PECAM1: variants seen among roughly 807,000 people sequenced by gnomAD.
PECAM1 encodes the protein platelet and endothelial cell adhesion molecule 1, also known as platelet endothelial cell adhesion molecule.
A neutral mutation model predicts 13.8 loss-of-function variants in PECAM1; 8 were observed. The observed-to-expected ratio is 0.58, with a 90% CI of 0.34 to 1.05. The LOEUF is 1.05. Among genes scored for constraint, PECAM1 ranks in the 50% least tolerant of loss-of-function variants. PECAM1 has a pLI of 0.03. For synonymous variants in PECAM1, 136 were observed against 52.6 expected (o/e 2.58, Z -6.86); for missense variants, 304 against 141.2 (o/e 2.15, Z -5.84).
intron 14 of PECAM1, among the ~76,000 whole-genome samples, chr17:64,340,504 T>C (rs2035398592): frequency 6.6e-6 from 1 of 152,168 alleles, no homozygotes; most frequent in East Asian, 1.9e-4. Context: ...ACAGTCACTA[T>C]TTCCCCCACA....
intron 7 of PECAM1, among the ~76,000 whole-genome samples, chr17:64,358,592 C>T (rs889553057): frequency 1.9e-4 from 29 of 152,246 alleles, no homozygotes; most frequent in Admixed American, 1.3e-3. Context: ...CCCTAAATTA[C>T]TATCACCATC....
chr17:64,376,597 C>A (rs1296055603), intron 3 of PECAM1, among the ~76,000 whole-genome samples: 1 of 152,156 alleles, frequency 6.6e-6, no homozygotes, highest in Non-Finnish European at 1.5e-5. Flanking sequence ...TAAGAATAAA[C>A]CAAACACCAT....
Position 64,321,848 on chromosome 17 carries a change from A to T in PECAM1, c.*1968T>A, listed in dbSNP as rs1555644464. The T allele has an allele frequency of 7.4e-7, 1 of 1,349,644 alleles. No homozygotes were observed. The highest frequency in any genetic ancestry group is 9.8e-7 in the Non-Finnish European group (1 of 1,019,846). 83.6% of individuals were successfully genotyped at this position (1,349,644 alleles called of 1,614,324 possible). A position where few individuals can be genotyped will look rare whatever the true frequency, so the allele number is the denominator to read the frequency against. ...ATAGGGTCTTTGCAGCTCCCGTGGC[A>T]ATTGCCCTTCTCTGGTGGTGGCAAG... On this transcript the variant is annotated 3_prime_UTR_variant, in exon 16 of 16. Transcript: ENST00000563924.
chr17:64,348,121 C>T (rs994283868), intron 13 of PECAM1, 139 bp downstream of exon 13: 133 of 403,706 alleles, frequency 3.3e-4, no homozygotes, highest in African/African-American at 2.3e-3. Context: ...CTTAGCAGGC[C>T]GGTAGGTCTG....
chr17:64,370,249 T>C, intron 4 of PECAM1: 2 of 355,936 alleles, frequency 5.6e-6, no homozygotes, highest in Non-Finnish European at 1.0e-5. Flanking sequence ...ATTCTCTGGG[T>C]TTCTGAAGCT....
At chr17:64,351,536 G>A (rs1219370334) in intron 11 of PECAM1, among the ~76,000 whole-genome samples, 3 of 152,056 alleles carry the variant, frequency 2.0e-5, no homozygotes, top group Admixed American at 1.3e-4. Flanking sequence ...ACCAGCATTG[G>A]TAGAGTGCCA....
chr17:64,357,490 C>T lies in PECAM1; in HGVS notation c.1493-1092G>A, dbSNP rs1051232705. On this transcript the variant is annotated intron_variant, in intron 7 of 15. Coordinates refer to ENST00000563924, the MANE Select transcript of PECAM1 (RefSeq NM_000442.5). ...CAAAATTCGGATCCTAAATTGTCTT[C>T]CCAAGTAGACTTTCCTTCTAGTGTG... is the stretch of plus-strand genomic sequence containing the variant. Among the ~76,000 whole-genome samples the T allele has an allele frequency of 1.6e-3, 244 of 152,312 alleles. 2 individuals carry two copies. The highest frequency in any genetic ancestry group is 1.4e-3 in the Non-Finnish European group (98 of 68,030).
chr17:64,389,707 T>TA (rs1241511736), intron 2 of PECAM1, among the ~76,000 whole-genome samples: 1 of 151,974 alleles, frequency 6.6e-6, no homozygotes, highest in Non-Finnish European at 1.5e-5. Flanking sequence ...CTCATTAAAA[T>TA]AAAAAAATCA....
At chr17:64,364,035 G>A (rs2143823973) in intron 5 of PECAM1, among the ~76,000 whole-genome samples, 1 of 152,192 alleles carries the variant, frequency 6.6e-6, no homozygotes, top group East Asian at 1.9e-4. Flanking sequence ...GAATCCAGGA[G>A]CTGGTTTTTT....
intron 13 of PECAM1, among the ~76,000 whole-genome samples, chr17:64,345,290 C>T (rs2035535171): frequency 6.6e-6 from 1 of 152,118 alleles, no homozygotes; most frequent in East Asian, 1.9e-4. Flanking sequence ...GAGGGCTTTG[C>T]TGCAGTGTGT....
chr17:64,328,100 G>C (rs954511322), intron 15 of PECAM1, among the ~76,000 whole-genome samples: 1 of 152,222 alleles, frequency 6.6e-6, no homozygotes, highest in Admixed American at 6.5e-5. Context: ...AACCATCCTG[G>C]GAGCAGACTT....
chr17:64,374,970 C>G, intron 4 of PECAM1, 81 bp downstream of exon 4: 1 of 432,052 alleles, frequency 2.3e-6, no homozygotes, highest in Non-Finnish European at 4.2e-6. Context: ...GAACAGCAGC[C>G]CCTTCCCAGT....
At chr17:64,340,897 C>T (rs1027905406) in intron 14 of PECAM1, among the ~76,000 whole-genome samples, 3 of 152,162 alleles carry the variant, frequency 2.0e-5, no homozygotes, top group Admixed American at 2.0e-4. Flanking sequence ...TGGGAGTTTG[C>T]GACCAGCTTG....
chr17:64,362,785 G>A (rs2143819682), intron 6 of PECAM1, among the ~76,000 whole-genome samples: 1 of 152,146 alleles, frequency 6.6e-6, no homozygotes, highest in African/African-American at 2.4e-5. Context: ...CTAGGAGGCA[G>A]AGGTTGCAGT....
intron 14 of PECAM1, among the ~76,000 whole-genome samples, chr17:64,335,522 A>G (rs2035254442): frequency 6.6e-6 from 1 of 152,262 alleles, no homozygotes; most frequent in Admixed American, 6.5e-5. Context: ...AATGGACAGC[A>G]ATTGGTAACA....
intron 2 of PECAM1, among the ~76,000 whole-genome samples, chr17:64,387,568 G>T (rs1263825938): frequency 5.9e-5 from 9 of 152,266 alleles, no homozygotes; most frequent in African/African-American, 1.7e-4. Context: ...CGTAGGCGTG[G>T]GGTCCTGGGG....
At chr17:64,329,212 A>T (rs2035038517) in intron 15 of PECAM1, among the ~76,000 whole-genome samples, 1 of 152,172 alleles carries the variant, frequency 6.6e-6, no homozygotes, top group Non-Finnish European at 1.5e-5. Flanking sequence ...AGGCTCTGGC[A>T]TAGCTCACTT....
At chr17:64,345,712 A>T (rs1236666438) in intron 13 of PECAM1, among the ~76,000 whole-genome samples, 1 of 97,298 alleles carries the variant, frequency 1.0e-5, no homozygotes, top group Non-Finnish European at 1.9e-5. Context: ...AGACTGTCAT[A>T]AAAAAAAAAA....
chr17:64,321,917 GATC>G lies in PECAM1; in HGVS notation c.*1896_*1898del, dbSNP rs1219561951. ...GACACAGGGGATCTGGCTGTCCCCA[GATC>G]ATCAACAGAGACATGAAGGTCGTTA... On this transcript the variant is annotated 3_prime_UTR_variant, in exon 16 of 16. Transcript: ENST00000563924. 7.5e-7 allele frequency: 1 copy of G among 1,338,672 alleles called. No homozygotes were observed. The highest frequency in any genetic ancestry group is 1.5e-5 in the African/African-American group (1 of 67,520). The allele number at this position is 1,338,672 out of a possible 1,614,324, so 82.9% of individuals were successfully genotyped here.
Sources: gnomAD v4.1 joint callset for allele counts (sites outside exome capture counted in the v4.1 genomes callset) on GRCh38, gnomAD v4.1.1 for gene constraint, MANE v1.5 for transcripts, NCBI Gene and HGNC (gene_info 2026-07-23, HGNC 2026-07-21) for gene names.